Variants in IL1R1 observed in about 807,000 individuals in gnomAD.
IL1R1 encodes the protein interleukin-1 receptor type 1.
A neutral mutation model predicts 50.2 loss-of-function variants in IL1R1; 22 were observed. The ratio of observed to expected loss-of-function variants is 0.44; its 90% CI spans 0.31 to 0.63. IL1R1 has a LOEUF of 0.63. Ranked by LOEUF, IL1R1 falls within the 20% of genes least tolerant of loss-of-function variation. IL1R1 has a pLI of 0.07. For synonymous variants in IL1R1, 251 were observed against 236.7 expected, an observed-to-expected ratio of 1.06 and a Z score of -0.55; for missense variants, 509 against 676.2, an observed-to-expected ratio of 0.75 and a Z score of 2.74.
chr2:102,112,261 G>A lies in IL1R1; in HGVS notation c.-84+7389G>A, dbSNP rs571215619. Among the ~76,000 whole-genome samples the A allele has an allele frequency of 2.2e-4, 34 of 151,882 alleles. No individual in the cohort carries two copies. The East Asian group carries it at 5.0e-3, about 23-fold the overall frequency. On this transcript the variant is annotated intron_variant, in intron 1 of 10. Coordinates refer to the IL1R1 transcript ENST00000409329. ...TCAGACACTCAGGCCTATTTCGGCG[G>A]CAAAACTGTCCTAAGTGGTCATTTA...
intron 1 of IL1R1, among the ~76,000 whole-genome samples, chr2:102,153,336 T>C (rs568352119): frequency 3.3e-5 from 5 of 152,350 alleles, no homozygotes; most frequent in Non-Finnish European, 7.3e-5. Context: ...CACGTGCATG[T>C]GTTTAATCAA....
At chr2:102,080,232 T>G (rs977191539) in intron 1 of IL1R1, among the ~76,000 whole-genome samples, 7 of 152,168 alleles carry the variant, frequency 4.6e-5, no homozygotes, top group South Asian at 2.1e-4. Context: ...AATAGATAAT[T>G]GCACTTCACC....
chr2:102,130,056 T>C (rs1681945813), intron 1 of IL1R1, among the ~76,000 whole-genome samples: 1 of 152,230 alleles, frequency 6.6e-6, no homozygotes, highest in Non-Finnish European at 1.5e-5. Flanking sequence ...GTTTACATTG[T>C]TCTGGAAATC....
chr2:102,134,131 A>G (rs1682203464), intron 1 of IL1R1, among the ~76,000 whole-genome samples: 1 of 152,222 alleles, frequency 6.6e-6, no homozygotes, highest in Non-Finnish European at 1.5e-5. Flanking sequence ...AGCCTTCACA[A>G]TAGCATCCAG....
At chr2:102,142,344 G>A (rs1449557605), upstream of IL1R1, 1 of 152,228 alleles carries the variant, frequency 6.6e-6, no homozygotes. Flanking sequence ...AAGCTCCAGA[G>A]GTCGCTCTGG....
chr2:102,101,409 G>A (rs1030294216), upstream of IL1R1, among the ~76,000 whole-genome samples: 2 of 152,200 alleles, frequency 1.3e-5, no homozygotes, highest in African/African-American at 4.8e-5. Flanking sequence ...GAAAGCAGAA[G>A]TCTCCTGCCC....
chr2:102,179,539 A>AT lies in IL1R1; in HGVS notation c.*2787dup, dbSNP rs1412187881. On this transcript the variant is annotated 3_prime_UTR_variant, in exon 12 of 12. Coordinates refer to ENST00000410023, the MANE Select transcript of IL1R1 (RefSeq NM_000877.4). ...GATTTTCTTGCAGTTTTTTTATGGC[A>AT]TTTTTTTAAAGATGCCCTAAGTGTT... 1 of 152,706 alleles carries AT rather than the reference A, an allele frequency of 6.5e-6. No individual in the cohort carries two copies. The highest frequency in any genetic ancestry group is 6.5e-5 in the Admixed American group (1 of 15,278). The allele number at this position is 152,706 out of a possible 1,614,324, so 9.5% of individuals were successfully genotyped here.
intron 1 of IL1R1, among the ~76,000 whole-genome samples, chr2:102,098,478 C>T (rs1405693572): frequency 1.3e-5 from 2 of 152,056 alleles, no homozygotes; most frequent in Non-Finnish European, 2.9e-5. Flanking sequence ...ATAATATGAC[C>T]TGTCCACATG....
intron 1 of IL1R1, among the ~76,000 whole-genome samples, chr2:102,149,875 T>C (rs1017479903): frequency 2.0e-5 from 3 of 152,066 alleles, no homozygotes; most frequent in African/African-American, 7.2e-5. Context: ...GCAGGTCTCA[T>C]GGTGAGGACA....
chr2:102,156,936 C>T (rs1037358336), intron 2 of IL1R1, among the ~76,000 whole-genome samples: 28 of 152,188 alleles, frequency 1.8e-4, no homozygotes, highest in Admixed American at 1.3e-3. Flanking sequence ...CTTATAGCTA[C>T]GGATAAGAAT....
intron 3 of IL1R1, among the ~76,000 whole-genome samples, chr2:102,161,957 C>T (rs907055239): frequency 2.0e-5 from 3 of 152,156 alleles, no homozygotes; most frequent in Non-Finnish European, 2.9e-5. Context: ...CCGCCTCAGC[C>T]TTGCAAAGTG....
At chr2:102,102,991 T>C (rs1320991789), upstream of IL1R1, among the ~76,000 whole-genome samples, 3 of 152,024 alleles carry the variant, frequency 2.0e-5, no homozygotes, top group Non-Finnish European at 4.4e-5. Context: ...CACCAGGACC[T>C]ACTTGAGGAT....
At chr2:102,090,345 T>C (rs573729881) in intron 1 of IL1R1, among the ~76,000 whole-genome samples, 1 of 152,274 alleles carries the variant, frequency 6.6e-6, no homozygotes, top group East Asian at 1.9e-4. Context: ...CTAAGCCCCA[T>C]GAAAATGTGG....
At position 102,088,110 on chromosome 2, in the gene IL1R1, G is replaced by A. The variant is rs1450568794; in HGVS notation, c.-84+17577G>A. 2.0e-5 allele frequency among the ~76,000 whole-genome samples: 3 copies of A among 152,154 alleles called. 1 individual carries two copies. The South Asian group carries it at 6.2e-4, about 31-fold the overall frequency. On this transcript the variant is annotated intron_variant, in intron 1 of 11. Coordinates refer to the IL1R1 transcript ENST00000409929. Reference sequence around the variant, plus strand: ...GGTTGGAGTCAACTTCTAAACTCCTGTTAATGTTGATATGTTGACCTCCTC... The same window carrying A: ...GGTTGGAGTCAACTTCTAAACTCCTATTAATGTTGATATGTTGACCTCCTC...
intron 1 of IL1R1, among the ~76,000 whole-genome samples, chr2:102,072,819 G>A (rs938767502): frequency 6.6e-6 from 1 of 152,108 alleles, no homozygotes; most frequent in East Asian, 1.9e-4. Flanking sequence ...TTTTGTAGGT[G>A]AAACTATGAG....
chr2:102,076,216 C>T lies in IL1R1; in HGVS notation c.-84+5683C>T, dbSNP rs111495397. On this transcript the variant is annotated intron_variant, in intron 1 of 11. Coordinates refer to the IL1R1 transcript ENST00000409929. Reference sequence around the variant, plus strand: ...TTTTTGAGATGGAATCTCACTCTGTCGCCTAGGCTGGAATGCAGTGGTGTG... The same window carrying T: ...TTTTTGAGATGGAATCTCACTCTGTTGCCTAGGCTGGAATGCAGTGGTGTG... Among the ~76,000 whole-genome samples the T allele has an allele frequency of 1.0e-4, 15 of 148,926 alleles. 2 individuals are homozygous for T. Among genetic ancestry groups the T allele is most frequent in the African/African-American group, 3.5e-4 (14 of 40,354 alleles).
intron 1 of IL1R1, among the ~76,000 whole-genome samples, chr2:102,147,834 G>A (rs2110727): frequency 0.18 from 27,807 of 152,096 alleles, 2,645 homozygotes; most frequent in East Asian, 0.25. Context: ...ATTTCATAGC[G>A]ACACTTGAAA....
intron 1 of IL1R1, among the ~76,000 whole-genome samples, chr2:102,135,641 G>A (rs550195904): frequency 1.3e-5 from 2 of 152,236 alleles, no homozygotes; most frequent in South Asian, 2.1e-4. Flanking sequence ...ATTCTTGCTC[G>A]AGTACGGATT....
intron 3 of IL1R1, among the ~76,000 whole-genome samples, chr2:102,162,452 A>G (rs1210426292): frequency 1.3e-5 from 2 of 151,774 alleles, no homozygotes; most frequent in Non-Finnish European, 2.9e-5. Flanking sequence ...TTGTTTTTCT[A>G]TTTGTCCCAT....
Sources: allele counts gnomAD v4.1 joint callset (sites outside exome capture counted in the v4.1 genomes callset), GRCh38; gene constraint gnomAD v4.1.1; transcripts MANE v1.5; gene names NCBI Gene and HGNC (gene_info 2026-07-23, HGNC 2026-07-21).